The following NRG3 variants were observed in gnomAD, a reference collection of about 807,000 sequenced individuals.
NRG3 encodes the protein neuregulin 3, also known as pro-neuregulin-3, membrane-bound isoform.
In NRG3, 31 loss-of-function variants were observed where a neutral mutation model predicts 66.9. The ratio of observed to expected loss-of-function variants is 0.46; its 90% confidence interval spans 0.35 to 0.63. The LOEUF is 0.63. Ranked by LOEUF, NRG3 falls within the 20% of genes least tolerant of loss-of-function variation. The pLI, the probability that NRG3 is intolerant of heterozygous loss-of-function variation, is 0.00. For synonymous variants in NRG3, 393 were observed against 359.4 expected (o/e 1.09, Z -1.06); for missense variants, 910 against 878.9 (o/e 1.04, Z -0.45).
chr10:82,287,949 A>G (rs796089783), intron 1 of NRG3, among the ~76,000 whole-genome samples: 36 of 152,288 alleles, frequency 2.4e-4, no homozygotes, highest in African/African-American at 8.2e-4. Flanking sequence ...TGTGTCAACA[A>G]AGTTGACCTG....
chr10:82,034,433 T>G (rs1259192015), intron 1 of NRG3, among the ~76,000 whole-genome samples: 2 of 152,120 alleles, frequency 1.3e-5, no homozygotes, highest in East Asian at 3.9e-4. Context: ...TGTCCTGAGT[T>G]TTAAATAAGT....
At chr10:82,655,392 T>TG (rs2051760904) in intron 2 of NRG3, among the ~76,000 whole-genome samples, 1 of 152,112 alleles carries the variant, frequency 6.6e-6, no homozygotes, top group African/African-American at 2.4e-5. Flanking sequence ...CAATAGGATA[T>TG]TTTTAAGTAC....
intron 1 of NRG3, among the ~76,000 whole-genome samples, chr10:82,160,106 A>G (rs1590352459): frequency 6.6e-6 from 1 of 151,986 alleles, no homozygotes; most frequent in Non-Finnish European, 1.5e-5. Context: ...TATTACCACT[A>G]TGGTTGACAA....
At chr10:82,252,635 A>G (rs1290040544) in intron 1 of NRG3, among the ~76,000 whole-genome samples, 1 of 151,668 alleles carries the variant, frequency 6.6e-6, no homozygotes, top group South Asian at 2.1e-4. Flanking sequence ...TTTTTTTTCT[A>G]TTTCCAAAGT....
chr10:82,756,559 A>G (rs1468605363), intron 3 of NRG3, among the ~76,000 whole-genome samples: 1 of 152,108 alleles, frequency 6.6e-6, no homozygotes, highest in African/African-American at 2.4e-5. Context: ...CAAGTAGTAC[A>G]TTTCACAAGT....
At chr10:82,477,614 G>C (rs1278116606) in intron 2 of NRG3, among the ~76,000 whole-genome samples, 1 of 152,160 alleles carries the variant, frequency 6.6e-6, no homozygotes, top group Non-Finnish European at 1.5e-5. Context: ...TTCAGATGGT[G>C]GCATTTACTG....
chr10:82,859,454 G>C (rs1278647113), intron 3 of NRG3, among the ~76,000 whole-genome samples: 5 of 152,140 alleles, frequency 3.3e-5, no homozygotes, highest in Admixed American at 3.3e-4. Flanking sequence ...CTGTTCATAG[G>C]CTGGGTGACA....
intron 3 of NRG3, among the ~76,000 whole-genome samples, chr10:82,842,795 G>A (rs1024143623): frequency 2.0e-5 from 3 of 151,656 alleles, no homozygotes; most frequent in South Asian, 2.1e-4. Flanking sequence ...ATTATATGTC[G>A]CTGCTGCCTC....
At chr10:82,362,882 G>C (rs530301319) in intron 2 of NRG3, among the ~76,000 whole-genome samples, 1 of 152,162 alleles carries the variant, frequency 6.6e-6, no homozygotes, top group African/African-American at 2.4e-5. Flanking sequence ...TATACCAAAA[G>C]TATACTAATG....
chr10:82,396,648 A>G (rs1171258139), intron 2 of NRG3, among the ~76,000 whole-genome samples: 1 of 152,202 alleles, frequency 6.6e-6, no homozygotes, highest in Non-Finnish European at 1.5e-5. Context: ...TTGTTGACTG[A>G]AGAGCTAGCA....
intron 3 of NRG3, among the ~76,000 whole-genome samples, chr10:82,751,994 A>G (rs2058885198): frequency 6.6e-6 from 1 of 152,128 alleles, no homozygotes; most frequent in Admixed American, 6.6e-5. Flanking sequence ...AGTGCCTTTC[A>G]TGCTTCCATT....
intron 2 of NRG3, among the ~76,000 whole-genome samples, chr10:82,445,612 A>T (rs1480372645): frequency 2.0e-5 from 3 of 152,136 alleles, no homozygotes; most frequent in Non-Finnish European, 2.9e-5. Flanking sequence ...AAACTTGGGA[A>T]ATAATTTGGA....
At chr10:82,442,270 C>T (rs2090470115) in intron 2 of NRG3, among the ~76,000 whole-genome samples, 1 of 152,124 alleles carries the variant, frequency 6.6e-6, no homozygotes, top group Non-Finnish European at 1.5e-5. Flanking sequence ...GATTCCTAGT[C>T]CCAGCATAAT....
intron 2 of NRG3, among the ~76,000 whole-genome samples, chr10:82,462,812 A>G (rs1280022788): frequency 1.3e-5 from 2 of 152,206 alleles, no homozygotes; most frequent in Non-Finnish European, 2.9e-5. Context: ...GGGAGATATG[A>G]CTATACAAGT....
At chr10:81,908,851 T>C (rs1844841952) in intron 1 of NRG3, among the ~76,000 whole-genome samples, 1 of 152,214 alleles carries the variant, frequency 6.6e-6, no homozygotes, top group South Asian at 2.1e-4. Context: ...ATCTGTGTTC[T>C]CTTTCCCATA....
In NRG3 at chr10:82,447,822, A is replaced by G. The variant is rs542473871; in HGVS notation, c.953+88954A>G. On this transcript the variant is annotated intron_variant, in intron 2 of 8. Coordinates refer to ENST00000372141, the MANE Select transcript of NRG3 (RefSeq NM_001010848.4). ...TAGTGGATGGGGAATTTTTCAATGA[A>G]TATACAAAATCTCCAAGGCCTTCTG... 5.3e-5 allele frequency among the ~76,000 whole-genome samples: 8 copies of G among 152,352 alleles called. No individual in the cohort carries two copies. In the South Asian group the frequency reaches 8.3e-4, roughly 16 times the overall value.
intron 1 of NRG3, among the ~76,000 whole-genome samples, chr10:82,122,326 T>A (rs963215376): frequency 6.6e-6 from 1 of 152,194 alleles, no homozygotes; most frequent in Non-Finnish European, 1.5e-5. Context: ...TTTTTTCCCC[T>A]TGGCATTTGG....
intron 4 of NRG3, among the ~76,000 whole-genome samples, chr10:82,929,158 C>T (rs1273252660): frequency 2.0e-5 from 3 of 152,194 alleles, no homozygotes; most frequent in Non-Finnish European, 4.4e-5. Flanking sequence ...TAGGTACAGA[C>T]ATTTGCTGAA....
chr10:82,578,087 G>T (rs961597615), intron 2 of NRG3, among the ~76,000 whole-genome samples: 1 of 151,288 alleles, frequency 6.6e-6, no homozygotes, highest in African/African-American at 2.4e-5. Context: ...GTTCATTACA[G>T]CAATGGTGAT....
Sources: gnomAD v4.1 joint callset for allele counts (sites outside exome capture counted in the v4.1 genomes callset) on GRCh38, gnomAD v4.1.1 for gene constraint, MANE v1.5 for transcripts, NCBI Gene and HGNC (gene_info 2026-07-23, HGNC 2026-07-21) for gene names.